The following BMPR2 variants were observed in gnomAD, a reference collection of about 807,000 sequenced individuals.
BMPR2 encodes the protein bone morphogenetic protein receptor type-2.
BMPR2 carries 29 observed loss-of-function variants against 100.8 expected under a neutral mutation model. The ratio of observed to expected loss-of-function variants is 0.29; its 90% CI spans 0.21 to 0.39. BMPR2 has a LOEUF of 0.39. Among genes scored for constraint, BMPR2 ranks in the 10% least tolerant of loss-of-function variants. BMPR2 has a pLI of 1.00. For missense variants in BMPR2, 1,011 were observed against 1,274.5 expected (o/e 0.79, Z 3.15); for synonymous variants, 382 against 442.3 (o/e 0.86, Z 1.71).
intron 12 of BMPR2, among the ~76,000 whole-genome samples, chr2:202,557,095 C>A (rs964491732): frequency 6.6e-6 from 1 of 151,992 alleles, no homozygotes. Flanking sequence ...CTTTGTGAGG[C>A]CAGGGCAGGT....
chr2:202,542,969 G>T (rs569140347), intron 10 of BMPR2, among the ~76,000 whole-genome samples: 1 of 151,742 alleles, frequency 6.6e-6, no homozygotes, highest in Admixed American at 6.6e-5. Flanking sequence ...CTGAGCTCAG[G>T]AGTTCGCGAC....
At chr2:202,416,128 T>C (rs747923516) in intron 1 of BMPR2, among the ~76,000 whole-genome samples, 5 of 152,152 alleles carry the variant, frequency 3.3e-5, no homozygotes, top group Non-Finnish European at 5.9e-5. Context: ...TGGATGACTT[T>C]GATAGGTTAA....
chr2:202,432,359 C>G (rs1380838866), intron 1 of BMPR2, among the ~76,000 whole-genome samples: 4 of 150,624 alleles, frequency 2.7e-5, no homozygotes, highest in African/African-American at 5.0e-5. Flanking sequence ...CATGCTGTTT[C>G]ATTCCATTAG....
At chr2:202,481,168 T>TTTCCCTTCTC (rs1692653041) in intron 3 of BMPR2, among the ~76,000 whole-genome samples, 1 of 150,284 alleles carries the variant, frequency 6.7e-6, no homozygotes, top group Non-Finnish European at 1.5e-5. Flanking sequence ...TCTCTTCTCT[T>TTTCCCTTCTC]TTCTCTTCTC....
At chr2:202,392,101 G>C in intron 1 of BMPR2, among the ~76,000 whole-genome samples, 1 of 141,590 alleles carries the variant, frequency 7.1e-6, no homozygotes, top group African/African-American at 2.7e-5. Flanking sequence ...AAGAAGTCTC[G>C]CTCTCGTCCC....
chr2:202,419,066 G>C (rs536898794), intron 1 of BMPR2, among the ~76,000 whole-genome samples: 1 of 152,262 alleles, frequency 6.6e-6, no homozygotes, highest in Admixed American at 6.5e-5. Context: ...TGGTTTGTAA[G>C]GCGTGACTCC....
intron 1 of BMPR2, among the ~76,000 whole-genome samples, chr2:202,457,263 G>A (rs995800681): frequency 6.6e-6 from 1 of 151,346 alleles, no homozygotes; most frequent in Admixed American, 6.6e-5. Flanking sequence ...CCTTATATGT[G>A]TTTGGGTTTT....
At chr2:202,536,755 C>T (rs1232799589) in intron 9 of BMPR2, among the ~76,000 whole-genome samples, 1 of 151,612 alleles carries the variant, frequency 6.6e-6, no homozygotes, top group Non-Finnish European at 1.5e-5. Flanking sequence ...GCCTGTAATC[C>T]CAGCTACTTG....
In BMPR2 at chr2:202,562,801, T is replaced by C. The variant is rs2105718559; in HGVS notation, c.*2855T>C. On this transcript the variant is annotated 3_prime_UTR_variant, in exon 13 of 13. Transcript: ENST00000374580. ...TACGTTTAGACAAAAATGATTTAAT[T>C]GTAAATTCTTAAAACTTTCTAAATG... 6.6e-6 allele frequency: 1 copy of C among 152,048 alleles called. No homozygotes were observed. Among genetic ancestry groups the C allele is most frequent in the Non-Finnish European group, 1.5e-5 (1 of 67,984 alleles). The allele number at this position is 152,048 out of a possible 1,614,324, so 9.4% of individuals were successfully genotyped here.
At chr2:202,453,333 C>G (rs1358481066) in intron 1 of BMPR2, among the ~76,000 whole-genome samples, 1 of 151,696 alleles carries the variant, frequency 6.6e-6, no homozygotes, top group Non-Finnish European at 1.5e-5. Flanking sequence ...GGAAGGAAAT[C>G]AGTATATCAA....
intron 2 of BMPR2, among the ~76,000 whole-genome samples, chr2:202,466,675 A>AT (rs1385536864): frequency 6.6e-6 from 1 of 151,742 alleles, no homozygotes; most frequent in Non-Finnish European, 1.5e-5. Flanking sequence ...GCAGTGGCAC[A>AT]TTCATGGCTC....
intron 3 of BMPR2, among the ~76,000 whole-genome samples, chr2:202,491,424 T>C (rs1023817383): frequency 2.0e-5 from 3 of 152,078 alleles, no homozygotes; most frequent in African/African-American, 7.2e-5. Flanking sequence ...TCTCTTTTTT[T>C]ATTTTTTATT....
chr2:202,402,710 A>AG (rs1313916676), intron 1 of BMPR2, among the ~76,000 whole-genome samples: 1 of 149,248 alleles, frequency 6.7e-6, no homozygotes, highest in African/African-American at 2.5e-5. Context: ...TCTGTCACTC[A>AG]TGCTGGAGTG....
intron 12 of BMPR2, among the ~76,000 whole-genome samples, chr2:202,557,333 G>A (rs529807837): frequency 3.3e-5 from 5 of 152,210 alleles, no homozygotes; most frequent in African/African-American, 1.2e-4. Flanking sequence ...GTGTGGTGGT[G>A]GGCACCTGTA....
intron 1 of BMPR2, among the ~76,000 whole-genome samples, chr2:202,399,059 C>A (rs549754406): frequency 3.3e-5 from 5 of 151,538 alleles, no homozygotes; most frequent in Admixed American, 6.6e-5. Flanking sequence ...ACCTGGGAGG[C>A]GGAGGTTATG....
intron 1 of BMPR2, among the ~76,000 whole-genome samples, chr2:202,433,567 A>G (rs180929193): frequency 2.0e-5 from 3 of 150,900 alleles, no homozygotes; most frequent in Admixed American, 2.0e-4. Context: ...TATGGGGACA[A>G]TGCCCCAAAG....
At chr2:202,393,865 T>C (rs963305096) in intron 1 of BMPR2, among the ~76,000 whole-genome samples, 6 of 129,792 alleles carry the variant, frequency 4.6e-5, no homozygotes, top group Non-Finnish European at 9.5e-5. Flanking sequence ...TGGCATCTAA[T>C]TAAGGTAATG....
At position 202,418,223 on chromosome 2, in the gene BMPR2, C is replaced by T. The variant is rs146646286; in HGVS notation, c.76+40673C>T. 7.8e-3 allele frequency among the ~76,000 whole-genome samples: 1,193 copies of T among 152,282 alleles called. 10 individuals carry two copies. Among genetic ancestry groups the T allele is most frequent in the African/African-American group, 0.026 (1,063 of 41,562 alleles). ...ATCTAATCTTTCTAAAGCATCCAGG[C>T]CCTTCTACATGAGGAGTGAGAACAG... On this transcript the variant is annotated intron_variant, in intron 1 of 12. Transcript: ENST00000374580.
At chr2:202,546,873 A>G (rs1688385032) in intron 10 of BMPR2, among the ~76,000 whole-genome samples, 1 of 152,050 alleles carries the variant, frequency 6.6e-6, no homozygotes, top group African/African-American at 2.4e-5. Flanking sequence ...GAGTGCTGGG[A>G]TTACAGACAT....
Sources: allele counts gnomAD v4.1 joint callset (sites outside exome capture counted in the v4.1 genomes callset), GRCh38; gene constraint gnomAD v4.1.1; transcripts MANE v1.5; gene names NCBI Gene and HGNC (gene_info 2026-07-23, HGNC 2026-07-21).